Variants in CFAP54 observed in about 807,000 individuals in gnomAD.
CFAP54 encodes the protein cilia and flagella associated protein 54.
Under a neutral mutation model 370.4 loss-of-function variants are expected in CFAP54, and 290 were observed. That is an observed-to-expected ratio of 0.78 (90% CI 0.71 to 0.86). The LOEUF (loss-of-function observed/expected upper bound fraction) is 0.86, where lower values mean the gene tolerates loss of function less well. CFAP54 is among the 40% of genes least tolerant of loss of function. The pLI is 0.00. For missense variants in CFAP54, 3,399 were observed against 3,528.7 expected (o/e 0.96, Z 0.93); for synonymous variants, 1,206 against 1,236.5 (o/e 0.98, Z 0.52).
At chr12:96,688,334 C>T (rs887394805) in intron 42 of CFAP54, among the ~76,000 whole-genome samples, 14 of 152,162 alleles carry the variant, frequency 9.2e-5, no homozygotes, top group African/African-American at 2.9e-4. Context: ...TACAATGCTT[C>T]AGTCTTTAGG....
intron 39 of CFAP54, among the ~76,000 whole-genome samples, chr12:96,666,386 G>A (rs1957080777): frequency 1.3e-5 from 2 of 152,282 alleles, no homozygotes; most frequent in East Asian, 3.9e-4. Flanking sequence ...GCTTTTAACT[G>A]ATAAGCCCTG....
chr12:96,817,113 T>C (rs1411877870), intron 64 of CFAP54, among the ~76,000 whole-genome samples: 2 of 152,232 alleles, frequency 1.3e-5, no homozygotes, highest in Non-Finnish European at 2.9e-5. Flanking sequence ...AAGACTTCCA[T>C]AGGAGTAAAT....
At chr12:96,705,513 T>C (rs1375600457) in intron 47 of CFAP54, among the ~76,000 whole-genome samples, 1 of 152,148 alleles carries the variant, frequency 6.6e-6, no homozygotes, top group African/African-American at 2.4e-5. Flanking sequence ...CATATTCTTA[T>C]TTCATTTTAG....
intron 3 of CFAP54, among the ~76,000 whole-genome samples, chr12:96,506,337 CAAAA>C (rs10709188): frequency 4.2e-5 from 4 of 94,438 alleles, no homozygotes; most frequent in East Asian, 2.9e-4. Context: ...GACTCCGTCT[CAAAA>C]AAAAAAAAAA....
At chr12:96,505,812 A>C (rs972349248) in intron 3 of CFAP54, among the ~76,000 whole-genome samples, 4 of 151,014 alleles carry the variant, frequency 2.6e-5, no homozygotes, top group Non-Finnish European at 4.4e-5. Context: ...CTTTCAATTC[A>C]GTGACCGCAG....
chr12:96,726,780 T>C (rs1465228969), intron 50 of CFAP54, among the ~76,000 whole-genome samples: 1 of 152,162 alleles, frequency 6.6e-6, no homozygotes, highest in Non-Finnish European at 1.5e-5. Flanking sequence ...GGTGTCAATT[T>C]TGGATCTTTC....
chr12:96,696,291 T>G (rs1170893764), intron 45 of CFAP54, among the ~76,000 whole-genome samples: 2 of 152,124 alleles, frequency 1.3e-5, no homozygotes, highest in African/African-American at 4.8e-5. Context: ...AATTCCCAAC[T>G]CTGAAGAGAT....
intron 67 of CFAP54, among the ~76,000 whole-genome samples, chr12:96,868,150 A>G (rs937430586): frequency 6.6e-6 from 1 of 152,230 alleles, no homozygotes; most frequent in South Asian, 2.1e-4. Flanking sequence ...TGGTGTCTCC[A>G]TGTAACACAT....
intron 26 of CFAP54, among the ~76,000 whole-genome samples, chr12:96,604,338 G>A (rs899111828): frequency 1.3e-5 from 2 of 152,194 alleles, no homozygotes; most frequent in African/African-American, 2.4e-5. Context: ...TCGTTCCAGA[G>A]GGGCACCTGC....
intron 64 of CFAP54, among the ~76,000 whole-genome samples, chr12:96,814,878 C>G (rs1472592271): frequency 6.6e-6 from 1 of 152,138 alleles, no homozygotes; most frequent in Non-Finnish European, 1.5e-5. Flanking sequence ...TTGCAGAGGA[C>G]ATGAACTCAC....
At chr12:96,520,039 A>T (rs1272133186) in intron 6 of CFAP54, among the ~76,000 whole-genome samples, 3 of 151,484 alleles carry the variant, frequency 2.0e-5, no homozygotes, top group Admixed American at 6.6e-5. Context: ...TTCTTTCTTT[A>T]TTTTTTAAGA....
At chr12:96,549,117 G>C (rs1276274462) in intron 15 of CFAP54, among the ~76,000 whole-genome samples, 1 of 152,206 alleles carries the variant, frequency 6.6e-6, no homozygotes, top group African/African-American at 2.4e-5. Flanking sequence ...GCCTCCCAAA[G>C]TGCTGGGATT....
intron 26 of CFAP54, among the ~76,000 whole-genome samples, chr12:96,599,067 G>A (rs549262655): frequency 5.9e-5 from 9 of 152,216 alleles, no homozygotes; most frequent in African/African-American, 2.2e-4. Flanking sequence ...GTGCAGGTTT[G>A]TTACATAGGT....
At chr12:96,657,842 C>G in intron 36 of CFAP54, 40 bp from the exon 37 acceptor site, 1 of 1,328,304 alleles carries the variant, frequency 7.5e-7, no homozygotes, top group East Asian at 2.5e-5. Flanking sequence ...GCAGTAAAAT[C>G]TGAAATTACA....
chr12:96,747,535 A>G (rs1958130793), intron 55 of CFAP54, among the ~76,000 whole-genome samples: 1 of 152,242 alleles, frequency 6.6e-6, no homozygotes, highest in South Asian at 2.1e-4. Context: ...GTATGTGCTC[A>G]GTAAATGTTA....
intron 52 of CFAP54, among the ~76,000 whole-genome samples, chr12:96,743,142 T>C (rs1351475538): frequency 6.6e-6 from 1 of 152,216 alleles, no homozygotes; most frequent in Admixed American, 6.5e-5. Flanking sequence ...ATCTATTCAC[T>C]CATTTCTATC....
At chr12:96,568,906 C>CT (rs35705881) in intron 19 of CFAP54, among the ~76,000 whole-genome samples, 160 of 142,066 alleles carry the variant, frequency 1.1e-3, no homozygotes, top group Middle Eastern at 0.011. Context: ...AGATGACTGG[C>CT]TTTTTTTTTT....
intron 55 of CFAP54, among the ~76,000 whole-genome samples, chr12:96,744,750 A>G: frequency 6.6e-6 from 1 of 152,160 alleles, no homozygotes; most frequent in East Asian, 1.9e-4. Context: ...CAGGATGTGC[A>G]GGTTTGCTAT....
At chr12:96,802,574 C>T (rs2136714401) in intron 63 of CFAP54, among the ~76,000 whole-genome samples, 1 of 152,286 alleles carries the variant, frequency 6.6e-6, no homozygotes, top group Non-Finnish European at 1.5e-5. Context: ...CCATATGACA[C>T]CAGCTGCCTA....
Sources: allele counts gnomAD v4.1 joint callset (sites outside exome capture counted in the v4.1 genomes callset), GRCh38; gene constraint gnomAD v4.1.1; transcripts MANE v1.5; gene names NCBI Gene and HGNC (gene_info 2026-07-23, HGNC 2026-07-21).